MARCHF3: variants seen among roughly 807,000 people sequenced by gnomAD.
MARCHF3 encodes E3 ubiquitin-protein ligase MARCHF3.
MARCHF3 carries 13 observed loss-of-function variants against 24.2 expected under a neutral mutation model. The ratio of observed to expected loss-of-function variants is 0.54; its 90% CI spans 0.35 to 0.85. The LOEUF (loss-of-function observed/expected upper bound fraction) is 0.85, where lower values mean the gene tolerates loss of function less well. Ranked by LOEUF, MARCHF3 falls within the 40% of genes least tolerant of loss-of-function variation. MARCHF3 has a pLI of 0.01. For missense variants in MARCHF3, 276 were observed against 325.0 expected (o/e 0.85, Z 1.16); for synonymous variants, 144 against 137.3 (o/e 1.05, Z -0.34).
intron 1 of MARCHF3, among the ~76,000 whole-genome samples, chr5:127,000,454 C>A (rs999695785): frequency 6.6e-6 from 1 of 152,076 alleles, no homozygotes; most frequent in Non-Finnish European, 1.5e-5. Flanking sequence ...ATCCCTTACA[C>A]CCCCAGATAA....
chr5:126,991,679 C>T (rs1751766489), intron 1 of MARCHF3, among the ~76,000 whole-genome samples: 1 of 151,886 alleles, frequency 6.6e-6, no homozygotes, highest in Non-Finnish European at 1.5e-5. Context: ...TGAGAACGCA[C>T]CACTGTACTC....
intron 1 of MARCHF3, among the ~76,000 whole-genome samples, chr5:126,992,811 G>T (rs888495319): frequency 2.6e-4 from 29 of 110,248 alleles, no homozygotes; most frequent in Non-Finnish European, 3.4e-4. Context: ...TGGCTCTATT[G>T]CCCAGGCTGG....
At chr5:127,005,055 C>T (rs114367370) in intron 1 of MARCHF3, among the ~76,000 whole-genome samples, 108 of 151,776 alleles carry the variant, frequency 7.1e-4, no homozygotes, top group African/African-American at 2.5e-3. Context: ...CTTGAAAGTC[C>T]AGAAAAGAGT....
intron 1 of MARCHF3, among the ~76,000 whole-genome samples, chr5:126,925,050 A>T (rs1295316767): frequency 1.3e-5 from 2 of 152,176 alleles, no homozygotes; most frequent in Non-Finnish European, 2.9e-5. Context: ...ATGAATTTTA[A>T]AAAATACTTC....
In MARCHF3 at chr5:126,923,403, T is replaced by C. The variant is rs1244680027; in HGVS notation, c.-56-5176A>G. Reference sequence around the variant, plus strand: ...GTCAAGAAGTGGGAGAAATTTGTTATACTGGCACCTCTATTTGGGTAGAAA... The same window carrying C: ...GTCAAGAAGTGGGAGAAATTTGTTACACTGGCACCTCTATTTGGGTAGAAA... On this transcript the variant is annotated intron_variant, in intron 1 of 4. Coordinates refer to ENST00000308660, the MANE Select transcript of MARCHF3 (RefSeq NM_178450.5). Among the ~76,000 whole-genome samples the C allele has an allele frequency of 3.3e-5, 5 of 152,220 alleles. No individual in the cohort carries two copies. In the East Asian group the frequency reaches 5.8e-4, roughly 18 times the overall value.
intron 1 of MARCHF3, among the ~76,000 whole-genome samples, chr5:126,966,254 A>G (rs1374293442): frequency 1.3e-5 from 2 of 152,226 alleles, no homozygotes; most frequent in Non-Finnish European, 2.9e-5. Flanking sequence ...TTATATATTT[A>G]TTGGGATGAT....
rs867373268 is a variant in MARCHF3 at position 126,907,983 on chromosome 5, A to G, written c.393+6947T>C. Among the ~76,000 whole-genome samples the G allele has an allele frequency of 6.0e-3, 906 of 151,708 alleles. 8 individuals are homozygous for G. Among genetic ancestry groups the G allele is most frequent in the African/African-American group, 0.021 (881 of 41,306 alleles). On this transcript the variant is annotated intron_variant, in intron 3 of 4. Transcript: ENST00000308660. ...CCGGTTGTTCCTTTCCATATTTAGC[A>G]CTTCCTTCAGGAGCTCTTTTAGGGC... is the stretch of plus-strand genomic sequence containing the variant.
intron 4 of MARCHF3, among the ~76,000 whole-genome samples, chr5:126,871,474 A>G (rs981055364): frequency 3.3e-5 from 5 of 152,292 alleles, no homozygotes; most frequent in Non-Finnish European, 7.3e-5. Flanking sequence ...CTGTGCCTCA[A>G]GCTTACCCAC....
chr5:126,953,037 C>T (rs1166870135), intron 1 of MARCHF3, among the ~76,000 whole-genome samples: 1 of 152,128 alleles, frequency 6.6e-6, no homozygotes, highest in African/African-American at 2.4e-5. Context: ...GAAAATGTTC[C>T]AAACCTCAAG....
chr5:126,888,795 C>T (rs561289991), intron 3 of MARCHF3, among the ~76,000 whole-genome samples: 3 of 152,220 alleles, frequency 2.0e-5, no homozygotes, highest in African/African-American at 4.8e-5. Context: ...GATGGAGTCT[C>T]GCTCTGTCAC....
chr5:126,912,967 C>T (rs1417082309), intron 3 of MARCHF3, among the ~76,000 whole-genome samples: 1 of 152,192 alleles, frequency 6.6e-6, no homozygotes, highest in African/African-American at 2.4e-5. Flanking sequence ...TCTTGTAGAG[C>T]ACCTCACACA....
intron 1 of MARCHF3, among the ~76,000 whole-genome samples, chr5:126,992,641 G>C (rs1347143226): frequency 2.0e-5 from 3 of 152,088 alleles, no homozygotes; most frequent in Admixed American, 6.5e-5. Context: ...GTTCCTGGAG[G>C]TTACTGGCTT....
At chr5:126,940,009 T>TAA (rs1749775645) in intron 1 of MARCHF3, among the ~76,000 whole-genome samples, 1 of 152,202 alleles carries the variant, frequency 6.6e-6, no homozygotes, top group African/African-American at 2.4e-5. Context: ...CCTTAGGGTC[T>TAA]AAACAGTGAG....
In MARCHF3 at chr5:126,923,918, C is replaced by A. The variant is rs56102558; in HGVS notation, c.-56-5691G>T. ...ACAAAGCAAATCAAAGAAGCAAATT[C>A]ATTTATTCATCCTTCCATCCATTCA... On this transcript the variant is annotated intron_variant, in intron 1 of 4. Transcript: ENST00000308660. Among the ~76,000 whole-genome samples, 1,281 of 152,136 alleles carry A rather than the reference C, an allele frequency of 8.4e-3. 19 individuals carry two copies. The highest frequency in any genetic ancestry group is 0.026 in the East Asian group (133 of 5,180).
At chr5:126,941,617 A>C (rs561932707) in intron 1 of MARCHF3, among the ~76,000 whole-genome samples, 10 of 152,356 alleles carry the variant, frequency 6.6e-5, no homozygotes, top group Admixed American at 5.9e-4. Flanking sequence ...TAGGTCTAGG[A>C]CTGCATTAAA....
intron 1 of MARCHF3, among the ~76,000 whole-genome samples, chr5:127,025,348 G>T (rs377438026): frequency 6.6e-6 from 1 of 150,614 alleles, no homozygotes; most frequent in African/African-American, 2.4e-5. Context: ...CCAGGGGAAG[G>T]CCTGCTGCTA....
At chr5:126,900,068 C>A (rs1754054432) in intron 3 of MARCHF3, among the ~76,000 whole-genome samples, 1 of 152,088 alleles carries the variant, frequency 6.6e-6, no homozygotes, top group Non-Finnish European at 1.5e-5. Context: ...TTCATCCTTC[C>A]CTCCTTGCTA....
intron 1 of MARCHF3, among the ~76,000 whole-genome samples, chr5:126,965,148 G>T (rs574188106): frequency 3.0e-4 from 46 of 151,884 alleles, no homozygotes; most frequent in Admixed American, 6.6e-5. Context: ...CAGGAACATT[G>T]CCAAAGGCTT....
intron 1 of MARCHF3, among the ~76,000 whole-genome samples, chr5:126,997,439 A>C (rs1751985196): frequency 6.6e-6 from 1 of 152,172 alleles, no homozygotes; most frequent in Non-Finnish European, 1.5e-5. Flanking sequence ...CGGACATGGA[A>C]GGGAAGTCAA....
Sources: gnomAD v4.1 joint callset for allele counts (sites outside exome capture counted in the v4.1 genomes callset) on GRCh38, gnomAD v4.1.1 for gene constraint, MANE v1.5 for transcripts, NCBI Gene and HGNC (gene_info 2026-07-23, HGNC 2026-07-21) for gene names.